Variants in DNAH3 observed in about 807,000 individuals in gnomAD.
DNAH3 encodes the protein axonemal beta dynein heavy chain 3.
A neutral mutation model predicts 432.5 loss-of-function variants in DNAH3; 332 were observed. The observed-to-expected ratio is 0.77, with a 90% confidence interval of 0.70 to 0.84. The LOEUF (loss-of-function observed/expected upper bound fraction) is 0.84, where lower values mean the gene tolerates loss of function less well. Among genes scored for constraint, DNAH3 ranks in the 40% least tolerant of loss-of-function variants. The pLI is 0.00. For missense variants in DNAH3, 4,861 were observed against 5,114.0 expected, an observed-to-expected ratio of 0.95 and a Z score of 1.51; for synonymous variants, 1,956 against 1,900.2, an observed-to-expected ratio of 1.03 and a Z score of -0.76.
chr16:20,948,249 C>T (rs1408783583), intron 57 of DNAH3, among the ~76,000 whole-genome samples: 2 of 152,178 alleles, frequency 1.3e-5, no homozygotes, highest in African/African-American at 4.8e-5. Context: ...CCTTCCTCCA[C>T]CCAGATGGAT....
rs146352384 is a variant in DNAH3, at chr16:20,952,538, G to T, written c.11083C>A (p.Pro3695Thr). 169 of 1,607,590 alleles carry T rather than the reference G, an allele frequency of 1.1e-4. 1 individual carries two copies. The African/African-American group carries it at 2.1e-3, about 20-fold the overall frequency. ...AGGTCAGATTCGTTGAATTCATAGG[G>T]AATATTCCACCCTGCGTGTGGGAGA... is the stretch of plus-strand genomic sequence containing the variant. Residue 3695 changes from proline to threonine, a missense_variant, in exon 56 of 62, where the codon CCC (proline) becomes ACC (threonine). Coordinates refer to ENST00000261383, the Ensembl canonical transcript of DNAH3.
At chr16:21,098,938 T>C (rs958059044) in intron 16 of DNAH3, among the ~76,000 whole-genome samples, 169 bp from the exon 17 acceptor site, 7 of 152,112 alleles carry the variant, frequency 4.6e-5, no homozygotes, top group African/African-American at 1.7e-4. Flanking sequence ...TCAAGATAAA[T>C]GAAGATGAAA....
intron 24 of DNAH3, 119 bp downstream of exon 24, chr16:21,067,164 G>C: frequency 8.6e-7 from 1 of 1,157,724 alleles, no homozygotes; most frequent in South Asian, 1.3e-5. Flanking sequence ...TTGGAGAATG[G>C]AAAACCAGGA....
intron 56 of DNAH3, among the ~76,000 whole-genome samples, chr16:20,951,587 G>C (rs1346253035): frequency 6.6e-6 from 1 of 151,746 alleles, no homozygotes; most frequent in East Asian, 1.9e-4. Flanking sequence ...AGGACTACAG[G>C]CATGTGTCAC....
intron 7 of DNAH3, 91 bp downstream of exon 8, chr16:21,134,168 G>A (rs1032828283): frequency 7.8e-7 from 1 of 1,279,640 alleles, no homozygotes; most frequent in Non-Finnish European, 1.1e-6. Context: ...ATGCTGTCAG[G>A]GCTACCCCCA....
In DNAH3 at chr16:20,942,363, G is replaced by A. The variant is rs1032555224; in HGVS notation, c.11512-820C>T. Among the ~76,000 whole-genome samples, 8 of 152,164 alleles carry A rather than the reference G, an allele frequency of 5.3e-5. 1 individual carries two copies. Among genetic ancestry groups the A allele is most frequent in the Non-Finnish European group, 8.8e-5 (6 of 68,026 alleles). On this transcript the variant is annotated intron_variant, in intron 58 of 61. Transcript: ENST00000261383. ...GCCAAGTAGGGAGGGGACAGGCCTC[G>A]AGGCTCAAGGAGGAACAAGACCTGA... is the stretch of plus-strand genomic sequence containing the variant.
chr16:21,044,762 G>A (rs1182550040), intron 31 of DNAH3, among the ~76,000 whole-genome samples: 1 of 98,390 alleles, frequency 1.0e-5, no homozygotes, highest in African/African-American at 4.2e-5. Flanking sequence ...AGTTTTCAAA[G>A]GGAATGCTTC....
chr16:21,047,432 T>A (rs2089754069), intron 31 of DNAH3, among the ~76,000 whole-genome samples: 1 of 152,126 alleles, frequency 6.6e-6, no homozygotes, highest in South Asian at 2.1e-4. Flanking sequence ...CATTTCATCT[T>A]CCATCGCTGA....
At chr16:20,961,691 G>T (rs946526228) in intron 53 of DNAH3, among the ~76,000 whole-genome samples, 3 of 150,206 alleles carry the variant, frequency 2.0e-5, no homozygotes, top group Non-Finnish European at 4.4e-5. Flanking sequence ...GGCCTCGAAA[G>T]AAACCATCCC....
intron 41 of DNAH3, among the ~76,000 whole-genome samples, chr16:21,005,219 G>A (rs1597118450): frequency 7.4e-6 from 1 of 135,538 alleles, no homozygotes; most frequent in Admixed American, 7.7e-5. Context: ...CTCTCCTTCT[G>A]TATTTCCTTC....
chr16:21,024,755 G>A lies in DNAH3; in HGVS notation c.5541-54C>T, dbSNP rs1485201887. On this transcript the variant is annotated intron_variant, in intron 38 of 61. Transcript: ENST00000261383. ...GCTCGCTTCTTTGTTACTAATACGG[G>A]TTAACATTTATTGAGCAATCTACTG... 59 of 1,376,886 alleles carry A rather than the reference G, an allele frequency of 4.3e-5. 1 individual carries two copies. The highest frequency in any genetic ancestry group is 6.0e-5 in the Non-Finnish European group (58 of 968,298). The allele number at this position is 1,376,886 out of a possible 1,614,324, so 85.3% of individuals were successfully genotyped here. A position where few individuals can be genotyped will look rare whatever the true frequency, so the allele number is the denominator to read the frequency against.
exon 10 of DNAH3, chr16:21,122,005 G>A: frequency 6.2e-7 from 1 of 1,613,790 alleles, no homozygotes; most frequent in Non-Finnish European, 8.5e-7. Flanking sequence ...TTAATTCCCA[G>A]CAGCCATCAA....
chr16:20,974,683 A>T (rs1403569112), intron 51 of DNAH3, among the ~76,000 whole-genome samples: 1 of 147,968 alleles, frequency 6.8e-6, no homozygotes, highest in Non-Finnish European at 1.5e-5. Flanking sequence ...TGTCTCCCAA[A>T]AATCTGGGAT....
chr16:21,084,445 C>T (rs905405032), intron 19 of DNAH3, among the ~76,000 whole-genome samples: 1 of 152,108 alleles, frequency 6.6e-6, no homozygotes, highest in Admixed American at 6.6e-5. Flanking sequence ...ACCTTAGCTT[C>T]CCTAGCAGCT....
chr16:21,020,984 C>G (rs1054507144), intron 40 of DNAH3, among the ~76,000 whole-genome samples: 2 of 152,126 alleles, frequency 1.3e-5, no homozygotes, highest in Non-Finnish European at 2.9e-5. Flanking sequence ...AGAGAAGAAT[C>G]GCACAGTCAT....
chr16:21,117,161 C>A (rs373564547), intron 12 of DNAH3, 42 bp downstream of exon 12: 2 of 1,394,374 alleles, frequency 1.4e-6, no homozygotes, highest in Non-Finnish European at 2.0e-6. Flanking sequence ...CCAAATCAAT[C>A]CCAAAAAGCT....
chr16:20,997,238 G>C (rs1192034155), intron 44 of DNAH3, 45 bp downstream of exon 44: 1 of 1,593,942 alleles, frequency 6.3e-7, no homozygotes, highest in Admixed American at 1.7e-5. Flanking sequence ...GCCCAGCTCT[G>C]CTGGGGATGG....
rs762387362 is a variant in DNAH3 at position 20,979,414 on chromosome 16, G to GAGCGTCTA, written c.7991_7992insTAGACGCT (p.Leu2665ArgfsTer4). On this transcript the variant is annotated frameshift_variant, in exon 50 of 62. Coordinates refer to ENST00000261383, the Ensembl canonical transcript of DNAH3. LOFTEE classifies it high-confidence loss of function. Reference sequence around the variant, plus strand: ...CCACCTCTTGCCTCTTGCTATTCAGGAGCGTCTTGAAGGTTAGAATCAATT... The same window carrying GAGCGTCTA: ...CCACCTCTTGCCTCTTGCTATTCAGGAGCGTCTAAGCGTCTTGAAGGTTAGAATCAATT... 6.2e-7 allele frequency: 1 copy of GAGCGTCTA among 1,614,050 alleles called. No individual in the cohort carries two copies. The highest frequency in any genetic ancestry group is 1.3e-5 in the African/African-American group (1 of 74,912).
At chr16:21,068,361 C>T (rs1256884434) in intron 23 of DNAH3, among the ~76,000 whole-genome samples, 1 of 151,778 alleles carries the variant, frequency 6.6e-6, no homozygotes, top group African/African-American at 2.4e-5. Context: ...GTTGCCCAGG[C>T]TAGAGTGCAG....
Sources: gnomAD v4.1 joint callset for allele counts (sites outside exome capture counted in the v4.1 genomes callset) on GRCh38, gnomAD v4.1.1 for gene constraint, MANE v1.5 for transcripts, NCBI Gene and HGNC (gene_info 2026-07-23, HGNC 2026-07-21) for gene names.